Variants in RASGRF2 observed in about 807,000 individuals in gnomAD.
RASGRF2 encodes ras-specific guanine nucleotide-releasing factor 2.
A neutral mutation model predicts 151.0 loss-of-function variants in RASGRF2; 76 were observed. The ratio of observed to expected loss-of-function variants is 0.50; its 90% CI spans 0.42 to 0.61. The LOEUF (loss-of-function observed/expected upper bound fraction) is 0.61. Among genes scored for constraint, RASGRF2 ranks in the 20% least tolerant of loss-of-function variants. The probability of loss-of-function intolerance (pLI) is 0.00; values close to 1 mark genes in which losing one functional copy is unlikely to be tolerated. For missense variants in RASGRF2, 1,148 were observed against 1,564.6 expected, an observed-to-expected ratio of 0.73 and a Z score of 4.49; for synonymous variants, 504 against 566.5, an observed-to-expected ratio of 0.89 and a Z score of 1.57.
chr5:81,198,219 T>C (rs1310468910), intron 18 of RASGRF2, among the ~76,000 whole-genome samples: 1 of 152,118 alleles, frequency 6.6e-6, no homozygotes, highest in Non-Finnish European at 1.5e-5. Context: ...ATCACCCAGA[T>C]AGTGAATATA....
chr5:81,085,613 C>CTT (rs76354880), intron 7 of RASGRF2, among the ~76,000 whole-genome samples, 189 bp from the exon 8 acceptor site: 1 of 151,766 alleles, frequency 6.6e-6, no homozygotes, highest in East Asian at 1.9e-4. Context: ...TTGGTGAAGT[C>CTT]TTTTTTTTGG....
chr5:81,195,981 G>A (rs1409979595), intron 18 of RASGRF2, among the ~76,000 whole-genome samples: 1 of 152,184 alleles, frequency 6.6e-6, no homozygotes, highest in East Asian at 1.9e-4. Context: ...ATACACGGCC[G>A]GGCACCGTGG....
At chr5:80,977,147 A>G (rs1009125050) in intron 1 of RASGRF2, among the ~76,000 whole-genome samples, 1 of 152,140 alleles carries the variant, frequency 6.6e-6, no homozygotes, top group Non-Finnish European at 1.5e-5. Context: ...TATTTTCAGC[A>G]TGGTGGTTTG....
rs190946530 is a variant in RASGRF2 at position 81,173,302 on chromosome 5, C to T, written c.2687-6873C>T. Among the ~76,000 whole-genome samples the T allele has an allele frequency of 9.2e-5, 14 of 152,156 alleles. No homozygotes were observed. The East Asian group carries it at 1.9e-3, about 21-fold the overall frequency. On this transcript the variant is annotated intron_variant, in intron 17 of 26. Coordinates refer to ENST00000265080, the MANE Select transcript of RASGRF2 (RefSeq NM_006909.3). Reference sequence around the variant, plus strand: ...CTGAGACAGGAGAATTGCTTGAACCCGGGAGGCAGAGGTTGCAGTGAGCCA... The same window carrying T: ...CTGAGACAGGAGAATTGCTTGAACCTGGGAGGCAGAGGTTGCAGTGAGCCA...
intron 17 of RASGRF2, among the ~76,000 whole-genome samples, chr5:81,131,257 G>A (rs1361788395): frequency 1.5e-4 from 23 of 152,246 alleles, no homozygotes. Context: ...GATTTTATTT[G>A]TGGGTGGTGC....
intron 1 of RASGRF2, among the ~76,000 whole-genome samples, chr5:81,001,612 T>TATA (rs2112290424): frequency 6.6e-6 from 1 of 152,292 alleles, no homozygotes; most frequent in South Asian, 2.1e-4. Context: ...ATTGAAAGGA[T>TATA]ATAATGTGAA....
At chr5:81,019,435 G>A (rs913315292) in intron 1 of RASGRF2, 2 of 152,198 alleles carry the variant, frequency 1.3e-5, no homozygotes, top group African/African-American at 4.8e-5. Context: ...TATCCATCTA[G>A]CATCTGACTT....
In RASGRF2 at chr5:81,043,001, C is replaced by T. The variant is rs1254906608; in HGVS notation, c.395+18C>T. ...CAAGCCAGGTATAGGCTCAGTCTTC[C>T]TGTGTAGTACTTGATTGTCTGGGTC... On this transcript the variant is annotated intron_variant, in intron 2 of 26. Coordinates refer to ENST00000265080, the MANE Select transcript of RASGRF2 (RefSeq NM_006909.3). The T allele has an allele frequency of 1.3e-6, 2 of 1,565,772 alleles. No individual in the cohort carries two copies.
In RASGRF2 at chr5:81,227,504, T is replaced by G. The variant is rs1168586709; in HGVS notation, c.*1734T>G. On this transcript the variant is annotated 3_prime_UTR_variant, in exon 27 of 27. Transcript: ENST00000265080. ...TTTTAAAGTTGCTTGTTTGTTCTCTTTAGTTTCAAATAAGAGGTTGACGCA... is the reference window on the plus strand; with the variant it reads ...TTTTAAAGTTGCTTGTTTGTTCTCTGTAGTTTCAAATAAGAGGTTGACGCA... 17 of 152,214 alleles carry G rather than the reference T, an allele frequency of 1.1e-4. No homozygotes were observed. The highest frequency in any genetic ancestry group is 2.9e-5 in the Non-Finnish European group (2 of 68,036). 9.4% of individuals were successfully genotyped at this position (152,214 alleles called of 1,614,324 possible). A position where few individuals can be genotyped will look rare whatever the true frequency, so the allele number is the denominator to read the frequency against.
intron 2 of RASGRF2, among the ~76,000 whole-genome samples, chr5:81,044,626 A>G (rs369696610): frequency 2.0e-5 from 3 of 152,098 alleles, no homozygotes; most frequent in African/African-American, 4.8e-5. Flanking sequence ...ATTCTTCACA[A>G]TAAGCTAATA....
In RASGRF2 at chr5:81,206,876, C is replaced by T. The variant is rs1309870850; in HGVS notation, c.2938C>T (p.His980Tyr). The change falls in exon 20 of 27, where the codon CAC (histidine) becomes TAC (tyrosine). Residue 980 changes from histidine to tyrosine, a missense_variant. Physicochemically the swap from His to Tyr is moderately conservative, Grantham distance 83 (BLOSUM62 2). Coordinates refer to ENST00000265080, the MANE Select transcript of RASGRF2 (RefSeq NM_006909.3). Reference protein sequence around the residue: ...ALSQDDQDDIHLKLEDIIQMT... With the variant: ...ALSQDDQDDIYLKLEDIIQMT... Reference sequence around the variant, plus strand: ...TTCACAAGATGACCAAGATGACATCCACCTAAAATTAGAGGATATAATTCA... The same window carrying T: ...TTCACAAGATGACCAAGATGACATCTACCTAAAATTAGAGGATATAATTCA... 6.2e-7 allele frequency: 1 copy of T among 1,610,900 alleles called. No homozygotes were observed. Among genetic ancestry groups the T allele is most frequent in the Non-Finnish European group, 8.5e-7 (1 of 1,177,030 alleles).
At chr5:81,002,687 G>C (rs1053707362) in intron 1 of RASGRF2, among the ~76,000 whole-genome samples, 1 of 152,154 alleles carries the variant, frequency 6.6e-6, no homozygotes, top group African/African-American at 2.4e-5. Context: ...TAAATAAGAT[G>C]ATCTGTCGTG....
intron 26 of RASGRF2, chr5:81,223,465 C>T (rs925522602): frequency 6.6e-6 from 1 of 151,566 alleles, no homozygotes; most frequent in Non-Finnish European, 1.5e-5. Flanking sequence ...CACGGTGAAA[C>T]CCTGTCTCTA....
chr5:81,056,837 G>A lies in RASGRF2; in HGVS notation c.396-11195G>A, dbSNP rs563718206. Among the ~76,000 whole-genome samples the A allele has an allele frequency of 5.9e-5, 9 of 152,288 alleles. No individual in the cohort carries two copies. In the South Asian group the frequency reaches 1.2e-3, roughly 21 times the overall value. On this transcript the variant is annotated intron_variant, in intron 2 of 26. Transcript: ENST00000265080. ...CTGTATTGGGTGCCTATATATTTAG[G>A]ATAGTTAGCTCTTCTTGTTGAATTG... is the stretch of plus-strand genomic sequence containing the variant.
rs1756022025 is a variant in RASGRF2 at position 81,227,377 on chromosome 5, A to G, written c.*1607A>G. 1 of 152,226 alleles carries G rather than the reference A, an allele frequency of 6.6e-6. No individual in the cohort carries two copies. The highest frequency in any genetic ancestry group is 6.5e-5 in the Admixed American group (1 of 15,288). The allele number at this position is 152,226 out of a possible 1,614,324, so 9.4% of individuals were successfully genotyped here. A position where few individuals can be genotyped will look rare whatever the true frequency, so the allele number is the denominator to read the frequency against. Reference sequence around the variant, plus strand: ...ATATCAACTAAGTAAAAGAAAATATAATATTTGAAGACCATTCCCAAAATA... The same window carrying G: ...ATATCAACTAAGTAAAAGAAAATATGATATTTGAAGACCATTCCCAAAATA... On this transcript the variant is annotated 3_prime_UTR_variant, in exon 27 of 27. Transcript: ENST00000265080.
intron 1 of RASGRF2, among the ~76,000 whole-genome samples, chr5:81,036,177 G>T (rs1373387689): frequency 1.3e-5 from 2 of 151,872 alleles, no homozygotes; most frequent in Non-Finnish European, 2.9e-5. Flanking sequence ...TCTTTTCCTG[G>T]TACTTACCTT....
chr5:81,101,949 C>T (rs1051194835), intron 12 of RASGRF2, among the ~76,000 whole-genome samples: 2 of 152,248 alleles, frequency 1.3e-5, no homozygotes, highest in South Asian at 2.1e-4. Flanking sequence ...GAGTTTAAAA[C>T]GTTTATCTCA....
At chr5:81,052,206 C>A (rs1196413504) in intron 2 of RASGRF2, among the ~76,000 whole-genome samples, 3 of 152,150 alleles carry the variant, frequency 2.0e-5, no homozygotes, top group Admixed American at 6.6e-5. Flanking sequence ...AAAACATTTT[C>A]TTCAGCTTCA....
At position 80,977,657 on chromosome 5, in the gene RASGRF2, G is replaced by A. The variant is rs548703326; in HGVS notation, c.288+16631G>A. ...TTTTTAGTAGAGATGGGGTTTCGCC[G>A]TGTTGGTGAGGCTGGTCTCGAACTA... is the stretch of plus-strand genomic sequence containing the variant. On this transcript the variant is annotated intron_variant, in intron 1 of 26. Transcript: ENST00000265080. 6.6e-5 allele frequency among the ~76,000 whole-genome samples: 10 copies of A among 152,256 alleles called. No individual in the cohort carries two copies. The South Asian group carries it at 1.7e-3, about 25-fold the overall frequency.
Sources: allele counts gnomAD v4.1 joint callset (sites outside exome capture counted in the v4.1 genomes callset), GRCh38; gene constraint gnomAD v4.1.1; transcripts MANE v1.5; gene names NCBI Gene and HGNC (gene_info 2026-07-23, HGNC 2026-07-21).